FSCN2: variants seen among roughly 807,000 people sequenced by gnomAD.
FSCN2 encodes fascin actin-bundling protein 2, retinal.
FSCN2 carries 46 observed loss-of-function variants against 37.8 expected under a neutral mutation model. The ratio of observed to expected loss-of-function variants is 1.22; its 90% CI spans 0.96 to 1.56. The LOEUF is 1.56. FSCN2 is among the 40% of genes most tolerant of loss of function. FSCN2 has a pLI of 0.00. For missense variants in FSCN2, 844 were observed against 730.4 expected (o/e 1.16, Z -1.79); for synonymous variants, 351 against 309.4 (o/e 1.13, Z -1.41).
chr17:81,534,150 G>C (rs181575350), intron 1 of FSCN2, among the ~76,000 whole-genome samples: 1 of 152,222 alleles, frequency 6.6e-6, no homozygotes, highest in Non-Finnish European at 1.5e-5. Flanking sequence ...AGCCTGGGGC[G>C]TGAGGGGCAG....
chr17:81,517,724 C>T, the FSCN2 span, among the ~76,000 whole-genome samples: 7 of 151,908 alleles, frequency 4.6e-5, no homozygotes, highest in Non-Finnish European at 1.0e-4. Context: ...TGCTCTCCAC[C>T]TGGCCATTGT....
chr17:81,536,254 C>T lies in FSCN2; in HGVS notation c.1092C>T (p.Ile364=), dbSNP rs188142101. The change falls in exon 3 of 5, where the codon ATC becomes ATT. Residue 364 remains isoleucine (I), a synonymous_variant. Coordinates refer to ENST00000417245, the MANE Select transcript of FSCN2 (RefSeq NM_012418.4). ...AGAAGAATGGGCAGCTGGCGGCTAT[C>T]AGCGATTTTGTCGGTGAGCACTCTG... The part of the protein sequence containing the change: ...CMKKNGQLAA[I]SDFVGKDEEF... 2,926 of 1,600,004 alleles carry T rather than the reference C, an allele frequency of 1.8e-3. 2 individuals are homozygous for T. The highest frequency in any genetic ancestry group is 2.1e-3 in the Non-Finnish European group (2,516 of 1,174,240).
At chr17:81,525,612 C>T (rs2143834454), upstream of FSCN2, among the ~76,000 whole-genome samples, 1 of 151,912 alleles carries the variant, frequency 6.6e-6, no homozygotes, top group South Asian at 2.1e-4. Flanking sequence ...GTAATCCCAG[C>T]AACTCGGGAG....
At position 81,528,589 on chromosome 17, in the gene FSCN2, A is replaced by G. The variant is rs1193019299; in HGVS notation, c.58A>G (p.Thr20Ala). ...LKIQFGLVNDTDRYLTAESFG... is the reference protein window; with the variant it reads ...LKIQFGLVNDADRYLTAESFG... ...GATCCAGTTTGGCCTCGTCAACGAC[A>G]CTGACCGCTACCTGACAGCTGAGAG... Residue 20 changes from threonine to alanine, a missense_variant, in exon 1 of 5, where the codon ACT becomes GCT. By Grantham distance (58) the Thr-to-Ala change is moderately conservative (BLOSUM62 0). Transcript: ENST00000417245. 5 of 1,609,054 alleles carry G rather than the reference A, an allele frequency of 3.1e-6. No individual in the cohort carries two copies. The African/African-American group carries it at 4.0e-5, about 13-fold the overall frequency.
the FSCN2 span, among the ~76,000 whole-genome samples, chr17:81,515,936 C>T: frequency 3.9e-5 from 6 of 152,282 alleles, no homozygotes; most frequent in African/African-American, 9.6e-5. Context: ...CCTCTGTCTC[C>T]GGGGTTCAAG....
chr17:81,533,086 C>T (rs1000209550), intron 1 of FSCN2, among the ~76,000 whole-genome samples: 2 of 152,132 alleles, frequency 1.3e-5, no homozygotes, highest in Non-Finnish European at 2.9e-5. Context: ...GCAGCTGCAG[C>T]GTGGGTGGTG....
chr17:81,515,810 C>T, the FSCN2 span, among the ~76,000 whole-genome samples: 3 of 152,274 alleles, frequency 2.0e-5, no homozygotes, highest in Admixed American at 6.5e-5. Flanking sequence ...TTGCCTCTGT[C>T]ACTCTACCTG....
chr17:81,529,436 C>A (rs1340328227), intron 1 of FSCN2, 79 bp downstream of exon 1: 2 of 1,093,464 alleles, frequency 1.8e-6, no homozygotes, highest in Non-Finnish European at 1.4e-6. Flanking sequence ...GGGGGTCTCA[C>A]GGGGAGTGGT....
chr17:81,536,568 C>T, intron 3 of FSCN2, 54 bp from the exon 4 acceptor site: 1 of 1,599,390 alleles, frequency 6.3e-7, no homozygotes. Context: ...CCCCGCCCGG[C>T]CTGGACAGGG....
At chr17:81,519,031 C>G in the FSCN2 span, 1 of 152,260 alleles carries the variant, frequency 6.6e-6, no homozygotes, top group South Asian at 2.1e-4. Context: ...GCTGGGAGAC[C>G]GGCTGTGCCT....
intron 1 of FSCN2, among the ~76,000 whole-genome samples, chr17:81,531,450 G>GTGGTGA (rs2032588246): frequency 8.9e-6 from 1 of 112,760 alleles, no homozygotes; most frequent in East Asian, 2.9e-4. Context: ...GGTGATGGTG[G>GTGGTGA]TGGTGATGGT....
At chr17:81,524,893 T>TCACACAGACACA, upstream of FSCN2, among the ~76,000 whole-genome samples, 1 of 122,712 alleles carries the variant, frequency 8.1e-6, no homozygotes, top group East Asian at 2.1e-4. Context: ...ATGAGCACCT[T>TCACACAGACACA]CACACACACA....
In FSCN2 at chr17:81,528,716, G is replaced by C; in HGVS notation, c.185G>C (p.Ser62Thr). ...PGQGTAVLLR[S>T]SHLGRYLSAE... Reference sequence around the variant, plus strand: ...CAAGGCACGGCTGTGCTGCTCCGCAGCAGCCACCTGGGCCGCTACCTGTCG... The same window carrying C: ...CAAGGCACGGCTGTGCTGCTCCGCACCAGCCACCTGGGCCGCTACCTGTCG... Residue 62 changes from serine (S) to threonine (T), a missense_variant, in exon 1 of 5, where the codon AGC (serine) becomes ACC (threonine). By Grantham distance (58) the Ser-to-Thr change is moderately conservative. Coordinates refer to ENST00000417245, the MANE Select transcript of FSCN2 (RefSeq NM_012418.4). The C allele has an allele frequency of 6.3e-7, 1 of 1,598,320 alleles. No homozygotes were observed. The highest frequency in any genetic ancestry group is 8.5e-7 in the Non-Finnish European group (1 of 1,173,612).
At chr17:81,528,323 G>A (rs562594566), upstream of FSCN2, 85 of 580,970 alleles carry the variant, frequency 1.5e-4, no homozygotes, top group African/African-American at 1.3e-3. Context: ...CTCCCCGCCC[G>A]CCCTCTGCTG....
chr17:81,531,372 G>A (rs1441427146), intron 1 of FSCN2, among the ~76,000 whole-genome samples: 21 of 66,572 alleles, frequency 3.2e-4, no homozygotes, highest in South Asian at 5.2e-4. Context: ...GATGATGGTG[G>A]TGGTGATGGT....
At chr17:81,533,795 C>G (rs576838932) in intron 1 of FSCN2, among the ~76,000 whole-genome samples, 6 of 152,314 alleles carry the variant, frequency 3.9e-5, no homozygotes, top group Non-Finnish European at 8.8e-5. Context: ...TAGCCCCAGA[C>G]AGCATCCTGT....
At chr17:81,533,031 A>C (rs2032748980) in intron 1 of FSCN2, among the ~76,000 whole-genome samples, 1 of 152,120 alleles carries the variant, frequency 6.6e-6, no homozygotes, top group Admixed American at 6.5e-5. Context: ...AGGGAGCGGG[A>C]CATGGCATCT....
intron 1 of FSCN2, 50 bp from the exon 2 acceptor site, chr17:81,535,002 G>T (rs751503994): frequency 2.1e-6 from 3 of 1,436,182 alleles, no homozygotes; most frequent in African/African-American, 1.4e-5. Flanking sequence ...CCCCTCCCCT[G>T]CTCCCTACCC....
chr17:81,536,174 T>C lies in FSCN2; in HGVS notation c.1012T>C (p.Trp338Arg), dbSNP rs1598581521. 2 of 1,605,714 alleles carry C rather than the reference T, an allele frequency of 1.2e-6. No individual in the cohort carries two copies. The highest frequency in any genetic ancestry group is 1.7e-6 in the Non-Finnish European group (2 of 1,176,788). Residue 338 changes from tryptophan to arginine, a missense_variant, in exon 3 of 5, where the codon TGG (tryptophan) becomes CGG (arginine). By Grantham distance (101) the Trp-to-Arg change is moderately radical. Coordinates refer to ENST00000417245, the MANE Select transcript of FSCN2 (RefSeq NM_012418.4). ...TGCCAACACCATGTTTGAGATGGAG[T>C]GGCGTGGCCGGCGGGTAGCACTCAA... ...VSANTMFEME[W>R]RGRRVALKAS...
Sources: gnomAD v4.1 joint callset for allele counts (sites outside exome capture counted in the v4.1 genomes callset) on GRCh38, gnomAD v4.1.1 for gene constraint, MANE v1.5 for transcripts, NCBI Gene and HGNC (gene_info 2026-07-23, HGNC 2026-07-21) for gene names.